The following ADAM18 variants were observed in gnomAD, a reference collection of about 807,000 sequenced individuals.
ADAM18 encodes the protein disintegrin and metalloproteinase domain-containing protein 18.
In ADAM18, 117 loss-of-function variants were observed where a neutral mutation model predicts 94.4. The ratio of observed to expected loss-of-function variants is 1.24; its 90% confidence interval spans 1.07 to 1.45. The LOEUF is 1.45. Ranked by LOEUF, ADAM18 falls within the 40% of genes most tolerant of loss-of-function variation. ADAM18 has a pLI of 0.00. For synonymous variants in ADAM18, 327 were observed against 291.6 expected (o/e 1.12, Z -1.24); for missense variants, 936 against 880.0 (o/e 1.06, Z -0.81).
At chr8:39,637,022 TATATATATATATATA>T (rs1563285196) in intron 7 of ADAM18, among the ~76,000 whole-genome samples, 263 of 23,912 alleles carry the variant, frequency 0.011, 4 homozygotes, top group African/African-American at 0.057. Context: ...GTGTATTTTA[TATATATATATATATA>T]TATATATATA....
chr8:39,698,583 A>G (rs1336489547), intron 17 of ADAM18, among the ~76,000 whole-genome samples: 2 of 151,936 alleles, frequency 1.3e-5, no homozygotes, highest in East Asian at 1.9e-4. Flanking sequence ...ATTTTCTGCT[A>G]CCTCTCACAG....
At chr8:39,608,545 T>C (rs1819161995) in intron 3 of ADAM18, among the ~76,000 whole-genome samples, 1 of 152,050 alleles carries the variant, frequency 6.6e-6, no homozygotes. Context: ...ATAACACTTC[T>C]GTGAAAATTC....
At chr8:39,707,210 T>C (rs1397624471) in intron 18 of ADAM18, among the ~76,000 whole-genome samples, 1 of 152,204 alleles carries the variant, frequency 6.6e-6, no homozygotes, top group Non-Finnish European at 1.5e-5. Context: ...GCACTTTCAT[T>C]ACTGAAGGTT....
intron 17 of ADAM18, among the ~76,000 whole-genome samples, chr8:39,702,607 G>A (rs1467696206): frequency 6.6e-6 from 1 of 152,054 alleles, no homozygotes; most frequent in African/African-American, 2.4e-5. Context: ...CAAGGTTTTT[G>A]TAGTTTTGGA....
rs745420994 is a variant in ADAM18, at chr8:39,609,451, A to G, written c.268-34A>G. 8.0e-6 allele frequency: 12 copies of G among 1,495,228 alleles called. No homozygotes were observed. The South Asian group carries it at 8.1e-5, about 10-fold the overall frequency. 92.6% of individuals were successfully genotyped at this position (1,495,228 alleles called of 1,614,324 possible). A position where few individuals can be genotyped will look rare whatever the true frequency, so the allele number is the denominator to read the frequency against. On this transcript the variant is annotated intron_variant, in intron 4 of 19. Coordinates refer to ENST00000265707, the MANE Select transcript of ADAM18 (RefSeq NM_014237.3). The stretch of plus-strand genomic sequence containing the variant: ...ACAATACATTTTTTATTCACAACGA[A>G]TTTATATACTTGCCTTTCTATACTG...
At chr8:39,671,793 A>G (rs1441935648) in intron 14 of ADAM18, among the ~76,000 whole-genome samples, 2 of 152,166 alleles carry the variant, frequency 1.3e-5, no homozygotes, top group African/African-American at 4.8e-5. Flanking sequence ...GCACAGAATA[A>G]TAGAGACAGG....
chr8:39,610,244 A>G (rs1294238624), intron 5 of ADAM18, among the ~76,000 whole-genome samples: 1 of 152,092 alleles, frequency 6.6e-6, no homozygotes, highest in East Asian at 1.9e-4. Flanking sequence ...AATTCTCAAC[A>G]AATATATTTG....
At chr8:39,640,599 G>T (rs1248224313) in intron 10 of ADAM18, among the ~76,000 whole-genome samples, 1 of 152,174 alleles carries the variant, frequency 6.6e-6, no homozygotes, top group African/African-American at 2.4e-5. Flanking sequence ...TTGAGGAATT[G>T]CCACACTGTG....
At position 39,637,670 on chromosome 8, in the gene ADAM18, T is replaced by C; in HGVS notation, c.794T>C (p.Ile265Thr). ...RFLAWKRDYL[I>T]LRPHDIAYLL... is the part of the protein sequence containing the mutation. ...TTGGCATGGAAACGGGACTATCTCATCCTACGGCCCCATGACATAGCATAC... is the reference window on the plus strand; with the variant it reads ...TTGGCATGGAAACGGGACTATCTCACCCTACGGCCCCATGACATAGCATAC... Residue 265 changes from isoleucine (I) to threonine (T), a missense_variant, in exon 9 of 20, where the codon ATC (isoleucine) becomes ACC (threonine). By Grantham distance (89) the Ile-to-Thr change is moderately conservative. Transcript: ENST00000265707. The C allele has an allele frequency of 1.2e-6, 2 of 1,611,656 alleles. No homozygotes were observed. Among genetic ancestry groups the C allele is most frequent in the African/African-American group, 2.7e-5 (2 of 74,916 alleles).
intron 6 of ADAM18, among the ~76,000 whole-genome samples, chr8:39,616,359 G>A (rs936506808): frequency 1.3e-5 from 2 of 152,120 alleles, no homozygotes; most frequent in South Asian, 2.1e-4. Flanking sequence ...GCAGTGAGCC[G>A]AGATGGCACT....
At chr8:39,722,213 GTGTGTATATATATATATATATA>G (rs1326022227) in intron 18 of ADAM18, among the ~76,000 whole-genome samples, 1,664 of 73,270 alleles carry the variant, frequency 0.023, 42 homozygotes, top group African/African-American at 0.11. Context: ...GTGTGTGTGT[GTGTGTATATATATATATATATA>G]TATATATATA....
Position 39,585,353 on chromosome 8 carries a change from G to T in ADAM18, c.132+1G>T, listed in dbSNP as rs766798966. 16 of 1,606,612 alleles carry T rather than the reference G, an allele frequency of 1.0e-5. No homozygotes were observed. In the Middle Eastern group the frequency reaches 4.9e-4, roughly 50 times the overall value. On this transcript the variant is annotated splice_donor_variant, in intron 2 of 19. Coordinates refer to ENST00000265707, the MANE Select transcript of ADAM18 (RefSeq NM_014237.3). LOFTEE classifies it high-confidence loss of function. Reference sequence around the variant, plus strand: ...TGACAGTGAAGTTTCAGAGAGGAAGGTAAATGATGAGGAATATTTATTCTA... The same window carrying T: ...TGACAGTGAAGTTTCAGAGAGGAAGTTAAATGATGAGGAATATTTATTCTA...
intron 6 of ADAM18, among the ~76,000 whole-genome samples, chr8:39,621,152 G>A (rs1819603016): frequency 6.6e-6 from 1 of 151,666 alleles, no homozygotes; most frequent in South Asian, 2.1e-4. Context: ...CATAGACATG[G>A]CAAAAACAAA....
At chr8:39,662,047 A>G (rs1166232941) in intron 12 of ADAM18, among the ~76,000 whole-genome samples, 1 of 151,850 alleles carries the variant, frequency 6.6e-6, no homozygotes, top group Non-Finnish European at 1.5e-5. Flanking sequence ...GTCAAAATAT[A>G]TGATTATTTA....
intron 2 of ADAM18, among the ~76,000 whole-genome samples, chr8:39,594,686 TG>T (rs1366538439): frequency 1.3e-5 from 2 of 151,844 alleles, no homozygotes; most frequent in African/African-American, 4.8e-5. Context: ...TGCTGTCATT[TG>T]TTTTTTTTTC....
intron 18 of ADAM18, among the ~76,000 whole-genome samples, chr8:39,707,573 T>C (rs929722003): frequency 1.3e-5 from 2 of 152,198 alleles, no homozygotes; most frequent in Admixed American, 6.5e-5. Flanking sequence ...TTTCTCCTTC[T>C]TTACAATTTT....
chr8:39,698,472 A>T (rs1585992263), intron 17 of ADAM18, among the ~76,000 whole-genome samples: 1 of 152,094 alleles, frequency 6.6e-6, no homozygotes, highest in East Asian at 1.9e-4. Context: ...ATTGACACCC[A>T]GCTAGTGTCC....
At chr8:39,633,830 T>TAA (rs77940675) in intron 7 of ADAM18, among the ~76,000 whole-genome samples, 2 of 96,212 alleles carry the variant, frequency 2.1e-5, no homozygotes. Flanking sequence ...CCTTGCCCTG[T>TAA]AAAAAAAAAA....
At chr8:39,708,205 G>C (rs1335415359) in intron 18 of ADAM18, among the ~76,000 whole-genome samples, 2 of 152,096 alleles carry the variant, frequency 1.3e-5, no homozygotes, top group Admixed American at 6.6e-5. Context: ...TTGTTACTGT[G>C]CAACCAAAAC....
Sources: allele counts gnomAD v4.1 joint callset (sites outside exome capture counted in the v4.1 genomes callset), GRCh38; gene constraint gnomAD v4.1.1; transcripts MANE v1.5; gene names NCBI Gene and HGNC (gene_info 2026-07-23, HGNC 2026-07-21).